The following ITGA1 variants were observed in gnomAD, a reference collection of about 807,000 sequenced individuals.
ITGA1 encodes integrin alpha-1.
A neutral mutation model predicts 145.9 loss-of-function variants in ITGA1; 85 were observed. The ratio of observed to expected loss-of-function variants is 0.58; its 90% confidence interval spans 0.49 to 0.70. The LOEUF (loss-of-function observed/expected upper bound fraction) is 0.70. Among genes scored for constraint, ITGA1 ranks in the 30% least tolerant of loss-of-function variants. The pLI, the probability that ITGA1 is intolerant of heterozygous loss-of-function variation, is 0.00. For missense variants in ITGA1, 1,351 were observed against 1,418.7 expected, an observed-to-expected ratio of 0.95 and a Z score of 0.77; for synonymous variants, 520 against 495.3, an observed-to-expected ratio of 1.05 and a Z score of -0.66.
intron 19 of ITGA1, among the ~76,000 whole-genome samples, chr5:52,927,361 G>A (rs1299784226): frequency 1.3e-5 from 2 of 150,624 alleles, no homozygotes; most frequent in Non-Finnish European, 3.0e-5. Context: ...ACTTAGGTAG[G>A]ATTGTGAGAT....
At chr5:52,875,748 A>G (rs1749856733) in intron 6 of ITGA1, among the ~76,000 whole-genome samples, 1 of 152,086 alleles carries the variant, frequency 6.6e-6, no homozygotes, top group Admixed American at 6.5e-5. Context: ...CTGCATACCC[A>G]TTTCTATTCA....
rs529998184 is a variant in ITGA1, at chr5:52,910,736, G to A, written c.1857+317G>A. Among the ~76,000 whole-genome samples, 5 of 145,422 alleles carry A rather than the reference G, an allele frequency of 3.4e-5. No homozygotes were observed. In the East Asian group the frequency reaches 8.0e-4, roughly 23 times the overall value. Reference sequence around the variant, plus strand: ...ATATGGTATATATAGTGTGTATATAGTATGTATAGTGTTCCTTATAGATTA... The same window carrying A: ...ATATGGTATATATAGTGTGTATATAATATGTATAGTGTTCCTTATAGATTA... On this transcript the variant is annotated intron_variant, in intron 14 of 28. Transcript: ENST00000282588.
intron 9 of ITGA1, among the ~76,000 whole-genome samples, chr5:52,896,840 T>C (rs1750234580): frequency 6.6e-6 from 1 of 152,142 alleles, no homozygotes; most frequent in African/African-American, 2.4e-5. Flanking sequence ...TTGAATGGCA[T>C]GTGGGCAGCC....
intron 12 of ITGA1, among the ~76,000 whole-genome samples, chr5:52,908,509 G>A (rs1177158224): frequency 6.6e-6 from 1 of 152,132 alleles, no homozygotes; most frequent in Admixed American, 6.6e-5. Flanking sequence ...TCCTTATAAT[G>A]TATTTAAACA....
chr5:52,946,887 T>G (rs569346971), intron 27 of ITGA1, among the ~76,000 whole-genome samples: 1 of 152,224 alleles, frequency 6.6e-6, no homozygotes, highest in African/African-American at 2.4e-5. Flanking sequence ...CATTATACTT[T>G]CAATTTATAA....
intron 2 of ITGA1, among the ~76,000 whole-genome samples, chr5:52,854,008 T>C (rs1580062782): frequency 6.6e-6 from 1 of 152,136 alleles, no homozygotes; most frequent in African/African-American, 2.4e-5. Flanking sequence ...CTGCTTTGCT[T>C]CATTCCTTCC....
intron 1 of ITGA1, among the ~76,000 whole-genome samples, chr5:52,797,095 TATA>T (rs1370952978): frequency 6.6e-6 from 1 of 151,860 alleles, no homozygotes; most frequent in Non-Finnish European, 1.5e-5. Context: ...AAAATAAAAA[TATA>T]ATGATTGGTC....
intron 1 of ITGA1, among the ~76,000 whole-genome samples, chr5:52,828,379 G>A (rs1419959962): frequency 6.6e-6 from 1 of 151,774 alleles, no homozygotes; most frequent in African/African-American, 2.4e-5. Context: ...ATCCCATTGG[G>A]GTTTTAATTT....
At chr5:52,854,666 C>G (rs1027787408) in intron 2 of ITGA1, among the ~76,000 whole-genome samples, 1 of 152,136 alleles carries the variant, frequency 6.6e-6, no homozygotes, top group Admixed American at 6.6e-5. Context: ...ATAAGACACT[C>G]TTTTCCAAGA....
chr5:52,801,420 C>G (rs145721878), intron 1 of ITGA1: 1 of 1,612,274 alleles, frequency 6.2e-7, no homozygotes. Flanking sequence ...TACATGCCTC[C>G]TCCGGACACA....
At chr5:52,872,680 T>TC (rs1038861211) in intron 6 of ITGA1, among the ~76,000 whole-genome samples, 2 of 149,810 alleles carry the variant, frequency 1.3e-5, no homozygotes, top group African/African-American at 4.9e-5. Context: ...TGCCTCAGGC[T>TC]CCCGAGTAGC....
intron 1 of ITGA1, chr5:52,824,819 T>G (rs896530080): frequency 6.6e-6 from 1 of 152,220 alleles, no homozygotes; most frequent in East Asian, 1.9e-4. Context: ...CAGAATTCTA[T>G]ATATTATTTG....
At chr5:52,941,376 T>A (rs556573958) in intron 26 of ITGA1, among the ~76,000 whole-genome samples, 2 of 152,344 alleles carry the variant, frequency 1.3e-5, no homozygotes, top group South Asian at 4.1e-4. Context: ...CTGAACTAAT[T>A]TACATCCCCA....
intron 28 of ITGA1, among the ~76,000 whole-genome samples, chr5:52,951,758 A>G (rs1751224497): frequency 6.6e-6 from 1 of 152,198 alleles, no homozygotes. Flanking sequence ...CCTGAAAAAA[A>G]AGATGATGGC....
intron 1 of ITGA1, chr5:52,800,220 A>G: frequency 1.6e-6 from 1 of 627,604 alleles, no homozygotes. Context: ...GGATAGAGGA[A>G]GTGCTGCCCT....
At position 52,801,750 on chromosome 5, in the gene ITGA1, C is replaced by T; in HGVS notation, c.61+13336C>T. On this transcript the variant is annotated intron_variant, in intron 1 of 28. Coordinates refer to ENST00000282588, the MANE Select transcript of ITGA1 (RefSeq NM_181501.2). ...GTCTTCACGTTTCTGGGGAACAGCT[C>T]AGCCAGTTGACTGGGGTAGCTGCCA... The T allele has an allele frequency of 3.7e-6, 6 of 1,614,036 alleles. No individual in the cohort carries two copies. The South Asian group carries it at 5.5e-5, about 15-fold the overall frequency.
intron 1 of ITGA1, among the ~76,000 whole-genome samples, chr5:52,831,600 T>TA (rs1246264496): frequency 6.6e-6 from 1 of 152,016 alleles, no homozygotes; most frequent in Non-Finnish European, 1.5e-5. Flanking sequence ...AGTAATCACT[T>TA]ATGGCTCCTA....
intron 1 of ITGA1, among the ~76,000 whole-genome samples, chr5:52,848,150 G>C (rs188256271): frequency 2.8e-4 from 43 of 152,276 alleles, no homozygotes; most frequent in African/African-American, 9.9e-4. Context: ...ATTATAAGGA[G>C]GCTTCAGAGA....
chr5:52,792,210 C>A (rs1748255843), intron 1 of ITGA1, among the ~76,000 whole-genome samples: 1 of 152,156 alleles, frequency 6.6e-6, no homozygotes, highest in Admixed American at 6.5e-5. Context: ...AAGCAAGGGT[C>A]TTCTTTTCAC....
Sources: gnomAD v4.1 joint callset for allele counts (sites outside exome capture counted in the v4.1 genomes callset) on GRCh38, gnomAD v4.1.1 for gene constraint, MANE v1.5 for transcripts, NCBI Gene and HGNC (gene_info 2026-07-23, HGNC 2026-07-21) for gene names.